Variants in HIVEP3 observed in about 807,000 individuals in gnomAD.
HIVEP3 encodes transcription factor HIVEP3.
Under a neutral mutation model 152.8 loss-of-function variants are expected in HIVEP3, and 49 were observed. The observed-to-expected ratio is 0.32, with a 90% confidence interval of 0.26 to 0.41. The LOEUF (loss-of-function observed/expected upper bound fraction) is 0.41. Among genes scored for constraint, HIVEP3 ranks in the 10% least tolerant of loss-of-function variants. HIVEP3 has a pLI of 1.00. For synonymous variants in HIVEP3, 1,269 were observed against 1,289.0 expected (o/e 0.98, Z 0.33); for missense variants, 2,790 against 3,103.3 (o/e 0.90, Z 2.40).
chr1:41,618,104 G>A (rs1644994728), intron 3 of HIVEP3, among the ~76,000 whole-genome samples: 1 of 152,202 alleles, frequency 6.6e-6, no homozygotes, highest in Admixed American at 6.5e-5. Context: ...ACTTACCCAG[G>A]CTGAGCTGCC....
intron 1 of HIVEP3, among the ~76,000 whole-genome samples, chr1:42,030,648 T>C (rs1481429300): frequency 1.3e-5 from 2 of 152,108 alleles, no homozygotes; most frequent in African/African-American, 4.8e-5. Flanking sequence ...TAATCACACA[T>C]GTCGATTATC....
intron 1 of HIVEP3, among the ~76,000 whole-genome samples, chr1:41,831,315 C>T (rs1426337709): frequency 6.6e-6 from 1 of 152,210 alleles, no homozygotes; most frequent in African/African-American, 2.4e-5. Flanking sequence ...AGGCAAGCCA[C>T]CTGACTTCTC....
intron 1 of HIVEP3, among the ~76,000 whole-genome samples, chr1:41,936,584 T>G (rs1394404370): frequency 6.6e-6 from 1 of 152,214 alleles, no homozygotes; most frequent in Admixed American, 6.5e-5. Flanking sequence ...AGTTAAATGT[T>G]AAAACATTTT....
intron 1 of HIVEP3, among the ~76,000 whole-genome samples, chr1:41,952,782 C>T (rs889172756): frequency 6.6e-6 from 1 of 152,044 alleles, no homozygotes; most frequent in African/African-American, 2.4e-5. Context: ...GGGAAAAAAT[C>T]CTATTATTCA....
At chr1:41,896,540 A>G (rs1644529580) in intron 1 of HIVEP3, among the ~76,000 whole-genome samples, 1 of 150,912 alleles carries the variant, frequency 6.6e-6, no homozygotes, top group Admixed American at 6.6e-5. Context: ...GTTCCTTGTA[A>G]TCCCACTCAA....
At chr1:41,978,332 T>C (rs1446585818) in intron 1 of HIVEP3, among the ~76,000 whole-genome samples, 2 of 152,014 alleles carry the variant, frequency 1.3e-5, no homozygotes, top group African/African-American at 4.8e-5. Context: ...TAAGCCCCGA[T>C]ATGACTGTCT....
chr1:41,805,585 C>G (rs1340961607), intron 1 of HIVEP3, among the ~76,000 whole-genome samples: 1 of 152,206 alleles, frequency 6.6e-6, no homozygotes, highest in Non-Finnish European at 1.5e-5. Flanking sequence ...ATGACACCAC[C>G]TCTTAGGGTT....
intron 1 of HIVEP3, among the ~76,000 whole-genome samples, chr1:41,827,654 AGGGG>A (rs1032749921): frequency 2.5e-4 from 38 of 152,090 alleles, no homozygotes; most frequent in African/African-American, 9.2e-4. Flanking sequence ...ATAGGCTGAT[AGGGG>A]GGCCACAGAT....
intron 5 of HIVEP3, among the ~76,000 whole-genome samples, chr1:41,545,371 C>A (rs776652318): frequency 0.27 from 3,571 of 13,332 alleles, 113 homozygotes; most frequent in South Asian, 0.41. Flanking sequence ...ATCACCACCA[C>A]CACCACTACC....
At chr1:41,558,928 C>A (rs1358932376) in intron 5 of HIVEP3, among the ~76,000 whole-genome samples, 2 of 152,130 alleles carry the variant, frequency 1.3e-5, no homozygotes, top group Non-Finnish European at 1.5e-5. Context: ...TGGGAGCCTG[C>A]CTGCCCAGTA....
chr1:41,860,680 C>T (rs939083994), intron 1 of HIVEP3, among the ~76,000 whole-genome samples: 2 of 152,204 alleles, frequency 1.3e-5, no homozygotes, highest in African/African-American at 4.8e-5. Flanking sequence ...TCTACATTTT[C>T]ACTAAGGGGA....
chr1:41,638,883 C>A (rs1032377258), intron 2 of HIVEP3, among the ~76,000 whole-genome samples: 1 of 152,254 alleles, frequency 6.6e-6, no homozygotes, highest in Non-Finnish European at 1.5e-5. Context: ...AGGGGCCAGC[C>A]TCACTGGGTC....
chr1:41,618,914 C>A (rs1248193922), intron 3 of HIVEP3, among the ~76,000 whole-genome samples: 1 of 152,204 alleles, frequency 6.6e-6, no homozygotes, highest in Non-Finnish European at 1.5e-5. Flanking sequence ...GGAATCAGAC[C>A]CCTTCCCATG....
intron 1 of HIVEP3, among the ~76,000 whole-genome samples, chr1:41,819,824 G>GTATATGTAC (rs1288777957): frequency 2.0e-5 from 3 of 152,112 alleles, no homozygotes; most frequent in Non-Finnish European, 4.4e-5. Context: ...TACCTGAAAA[G>GTATATGTAC]TATATGTACT....
intron 1 of HIVEP3, among the ~76,000 whole-genome samples, chr1:41,759,647 A>C (rs1224106485): frequency 6.6e-6 from 1 of 152,226 alleles, no homozygotes; most frequent in Non-Finnish European, 1.5e-5. Context: ...CACTCTTATA[A>C]GGCATCTGAT....
chr1:41,775,401 T>A (rs923804131), intron 1 of HIVEP3, among the ~76,000 whole-genome samples: 5 of 152,212 alleles, frequency 3.3e-5, no homozygotes, highest in Non-Finnish European at 7.4e-5. Flanking sequence ...AACTCCTGAG[T>A]TGCCAAAAAC....
chr1:41,710,474 T>A (rs1253381447), intron 1 of HIVEP3, among the ~76,000 whole-genome samples: 1 of 152,182 alleles, frequency 6.6e-6, no homozygotes, highest in African/African-American at 2.4e-5. Context: ...CAGAGCCTTA[T>A]GGAATGGCTC....
At chr1:41,832,697 G>A (rs1642999970) in intron 1 of HIVEP3, among the ~76,000 whole-genome samples, 1 of 152,232 alleles carries the variant, frequency 6.6e-6, no homozygotes, top group Non-Finnish European at 1.5e-5. Flanking sequence ...TATTTAGTAA[G>A]TGTTCAAAGT....
chr1:41,648,851 G>A (rs1044893826), intron 2 of HIVEP3, among the ~76,000 whole-genome samples: 2 of 152,212 alleles, frequency 1.3e-5, no homozygotes, highest in African/African-American at 4.8e-5. Flanking sequence ...AGAGGACATC[G>A]TATGCTCCAC....
Sources: allele counts gnomAD v4.1 joint callset (sites outside exome capture counted in the v4.1 genomes callset), GRCh38; gene constraint gnomAD v4.1.1; transcripts MANE v1.5; gene names NCBI Gene and HGNC (gene_info 2026-07-23, HGNC 2026-07-21).